Variants in PKP4 observed in about 807,000 individuals in gnomAD.
PKP4 encodes the protein plakophilin 4, also known as plakophilin-4.
A neutral mutation model predicts 145.1 loss-of-function variants in PKP4; 90 were observed. That is an observed-to-expected ratio of 0.62 (90% CI 0.52 to 0.74). The LOEUF (loss-of-function observed/expected upper bound fraction) is 0.74, where lower values mean the gene tolerates loss of function less well. Among genes scored for constraint, PKP4 ranks in the 30% least tolerant of loss-of-function variants. PKP4 has a pLI of 0.00. For missense variants in PKP4, 1,340 were observed against 1,482.7 expected, an observed-to-expected ratio of 0.90 and a Z score of 1.58; for synonymous variants, 563 against 577.2, an observed-to-expected ratio of 0.98 and a Z score of 0.35.
chr2:158,463,600 A>T (rs887927204), intron 1 of PKP4, among the ~76,000 whole-genome samples: 2 of 152,154 alleles, frequency 1.3e-5, no homozygotes, highest in Admixed American at 6.5e-5. Context: ...TGAGCACATC[A>T]TGTAACTCTC....
chr2:158,457,749 C>A (rs1365963953), intron 1 of PKP4: 1 of 154,078 alleles, frequency 6.5e-6, no homozygotes. Context: ...GCTGCCCGCG[C>A]GGTCTTGCGT....
intron 3 of PKP4, among the ~76,000 whole-genome samples, chr2:158,590,895 T>C (rs2049216138): frequency 6.6e-6 from 1 of 152,114 alleles, no homozygotes; most frequent in Admixed American, 6.5e-5. Flanking sequence ...CTATCTTATG[T>C]TAATATCACA....
At chr2:158,674,034 C>A (rs116277552) in intron 19 of PKP4, 34 bp downstream of exon 19, 17,266 of 1,124,568 alleles carry the variant, frequency 0.015, 247 homozygotes, top group Middle Eastern at 0.052. Context: ...TGGCGAGAAC[C>A]TTTGTGTGAC....
At chr2:158,568,228 C>A (rs2047152346) in intron 2 of PKP4, among the ~76,000 whole-genome samples, 1 of 152,146 alleles carries the variant, frequency 6.6e-6, no homozygotes, top group Non-Finnish European at 1.5e-5. Flanking sequence ...ATCTCAGCTA[C>A]TTGGGAAGCT....
At chr2:158,563,609 T>G (rs1241487332) in intron 2 of PKP4, among the ~76,000 whole-genome samples, 2 of 152,192 alleles carry the variant, frequency 1.3e-5, no homozygotes, top group African/African-American at 2.4e-5. Context: ...GATTATTGGG[T>G]TGTTTCCAGT....
At chr2:158,656,187 G>A (rs1345576715) in intron 11 of PKP4, among the ~76,000 whole-genome samples, 4 of 152,116 alleles carry the variant, frequency 2.6e-5, no homozygotes, top group African/African-American at 9.7e-5. Context: ...TTCCTCACAT[G>A]GCTGCCCCTA....
At position 158,642,612 on chromosome 2, in the gene PKP4, A is replaced by C; in HGVS notation, c.1822A>C (p.Ile608Leu). 1 of 1,613,756 alleles carries C rather than the reference A, an allele frequency of 6.2e-7. No homozygotes were observed. The highest frequency in any genetic ancestry group is 1.1e-5 in the South Asian group (1 of 91,034). Residue 608 changes from isoleucine to leucine, a missense_variant, in exon 11 of 22, where the codon ATA becomes CTA. Transcript: ENST00000389759. ...TGGCAAGTCTACAGATGAAAATAAA[A>C]TAGCAATGAAGAATGTTGGTGGGAT... ...VFGKSTDENKIAMKNVGGIPA... is the reference protein window; with the variant it reads ...VFGKSTDENKLAMKNVGGIPA...
At chr2:158,459,061 T>G (rs1041948742) in intron 1 of PKP4, among the ~76,000 whole-genome samples, 1 of 152,236 alleles carries the variant, frequency 6.6e-6, no homozygotes, top group African/African-American at 2.4e-5. Flanking sequence ...GAGCAAAATT[T>G]TGACAGAAAA....
chr2:158,532,511 T>C (rs1264750851), intron 1 of PKP4, among the ~76,000 whole-genome samples: 1 of 152,226 alleles, frequency 6.6e-6, no homozygotes, highest in African/African-American at 2.4e-5. Context: ...CATTTTACAC[T>C]AATCATCGTT....
intron 2 of PKP4, among the ~76,000 whole-genome samples, chr2:158,544,083 C>T (rs186983695): frequency 5.9e-5 from 9 of 152,248 alleles, no homozygotes; most frequent in African/African-American, 1.4e-4. Context: ...TCCTCCCCAC[C>T]CCTAGTCCAC....
At chr2:158,574,229 G>A (rs750138326) in intron 2 of PKP4, among the ~76,000 whole-genome samples, 11 of 152,152 alleles carry the variant, frequency 7.2e-5, no homozygotes, top group Admixed American at 6.5e-5. Flanking sequence ...TAGGCTCTAC[G>A]AGGAAATTTT....
chr2:158,600,059 T>C (rs2050096088), intron 3 of PKP4, among the ~76,000 whole-genome samples: 1 of 152,222 alleles, frequency 6.6e-6, no homozygotes, highest in Admixed American at 6.5e-5. Context: ...CATATTTTCA[T>C]GTAATATTAT....
intron 1 of PKP4, among the ~76,000 whole-genome samples, chr2:158,463,310 A>G (rs1190748121): frequency 6.6e-6 from 1 of 152,176 alleles, no homozygotes; most frequent in African/African-American, 2.4e-5. Flanking sequence ...CAGTACATGA[A>G]TAAAGCGTTA....
At position 158,637,891 on chromosome 2, in the gene PKP4, A is replaced by C. The variant is rs568375641; in HGVS notation, c.1563-2736A>C. ...AATTGATAGCAGTTTTTCGAGGGTA[A>C]ATTTCTACTGAATTTTCATCGAGGT... On this transcript the variant is annotated intron_variant, in intron 9 of 21. Transcript: ENST00000389759. 9.2e-5 allele frequency among the ~76,000 whole-genome samples: 14 copies of C among 152,270 alleles called. No individual in the cohort carries two copies. The South Asian group carries it at 2.9e-3, about 32-fold the overall frequency.
intron 17 of PKP4, 137 bp downstream of exon 17, chr2:158,670,052 C>T: frequency 1.5e-6 from 1 of 667,814 alleles, no homozygotes; most frequent in South Asian, 2.7e-5. Flanking sequence ...GCTAAGCAGT[C>T]TCCAGCACTT....
chr2:158,504,034 T>C (rs925393632), intron 1 of PKP4, among the ~76,000 whole-genome samples: 2 of 146,710 alleles, frequency 1.4e-5, no homozygotes, highest in Non-Finnish European at 3.0e-5. Flanking sequence ...ACGTTTGCCA[T>C]AGATTTTATA....
intron 1 of PKP4, among the ~76,000 whole-genome samples, chr2:158,471,141 C>T (rs1691505385): frequency 6.6e-6 from 1 of 151,982 alleles, no homozygotes; most frequent in Admixed American, 6.6e-5. Context: ...AGAATGATGG[C>T]CCAAAACAAG....
At chr2:158,558,882 T>C (rs915371495) in intron 2 of PKP4, among the ~76,000 whole-genome samples, 3 of 151,968 alleles carry the variant, frequency 2.0e-5, no homozygotes, top group Admixed American at 6.6e-5. Flanking sequence ...TAAGGGAGGA[T>C]CAGGGTCAGT....
At chr2:158,637,448 C>G (rs534948674) in intron 9 of PKP4, among the ~76,000 whole-genome samples, 3 of 152,160 alleles carry the variant, frequency 2.0e-5, no homozygotes, top group African/African-American at 7.2e-5. Flanking sequence ...CACGCAAACC[C>G]GGAGAATCAC....
Sources: gnomAD v4.1 joint callset for allele counts (sites outside exome capture counted in the v4.1 genomes callset) on GRCh38, gnomAD v4.1.1 for gene constraint, MANE v1.5 for transcripts, NCBI Gene and HGNC (gene_info 2026-07-23, HGNC 2026-07-21) for gene names.